MAGI2: variants seen among roughly 807,000 people sequenced by gnomAD.
The protein encoded by MAGI2 is membrane-associated guanylate kinase, WW and PDZ domain-containing protein 2.
In MAGI2, 35 loss-of-function variants were observed where a neutral mutation model predicts 133.3. That is an observed-to-expected ratio of 0.26 (90% CI 0.20 to 0.35). The LOEUF (loss-of-function observed/expected upper bound fraction) is 0.35. Ranked by LOEUF, MAGI2 falls within the 10% of genes least tolerant of loss-of-function variation. MAGI2 has a pLI of 1.00. For missense variants in MAGI2, 1,636 were observed against 1,863.4 expected, an observed-to-expected ratio of 0.88 and a Z score of 2.25; for synonymous variants, 729 against 710.6, an observed-to-expected ratio of 1.03 and a Z score of -0.41.
At chr7:78,807,522 A>G (rs1788682390) in intron 2 of MAGI2, among the ~76,000 whole-genome samples, 1 of 152,064 alleles carries the variant, frequency 6.6e-6, no homozygotes, top group South Asian at 2.1e-4. Flanking sequence ...TCTACTCATG[A>G]CAGAATGACA....
At chr7:78,612,950 G>A (rs1348144673) in intron 3 of MAGI2, among the ~76,000 whole-genome samples, 3 of 152,236 alleles carry the variant, frequency 2.0e-5, no homozygotes, top group African/African-American at 4.8e-5. Context: ...GATCACAGGC[G>A]TGAGCCACCG....
chr7:78,515,847 C>T (rs762964396), intron 4 of MAGI2, among the ~76,000 whole-genome samples: 19 of 151,438 alleles, frequency 1.3e-4, no homozygotes, highest in African/African-American at 7.3e-5. Flanking sequence ...TTTGGTGAAC[C>T]GAGATCACAC....
intron 2 of MAGI2, among the ~76,000 whole-genome samples, chr7:78,999,815 T>C (rs759480209): frequency 1.3e-5 from 2 of 152,214 alleles, no homozygotes; most frequent in Non-Finnish European, 2.9e-5. Context: ...TTAACACTGC[T>C]AACAACCATA....
At chr7:79,144,558 A>C (rs2129546452) in intron 1 of MAGI2, among the ~76,000 whole-genome samples, 1 of 152,294 alleles carries the variant, frequency 6.6e-6, no homozygotes, top group African/African-American at 2.4e-5. Context: ...TGAGTCGATT[A>C]AACCTCTTTT....
chr7:78,846,994 T>G (rs908080229), intron 2 of MAGI2, among the ~76,000 whole-genome samples: 1 of 151,988 alleles, frequency 6.6e-6, no homozygotes, highest in African/African-American at 2.4e-5. Flanking sequence ...TCTTAATGAT[T>G]CTCACTTTAG....
chr7:78,865,911 A>G (rs556719203), intron 2 of MAGI2, among the ~76,000 whole-genome samples: 1 of 152,284 alleles, frequency 6.6e-6, no homozygotes, highest in East Asian at 1.9e-4. Context: ...ACTGGTGAAG[A>G]GTGAGGTGAG....
chr7:78,185,747 G>C, intron 12 of MAGI2, 77 bp from the exon 13 acceptor site: 1 of 1,190,528 alleles, frequency 8.4e-7, no homozygotes, highest in Non-Finnish European at 1.2e-6. Context: ...TCTTTTTGTT[G>C]CTATCATAAC....
At chr7:79,033,186 C>T (rs944644936) in intron 1 of MAGI2, among the ~76,000 whole-genome samples, 1 of 152,120 alleles carries the variant, frequency 6.6e-6, no homozygotes, top group Non-Finnish European at 1.5e-5. Flanking sequence ...TGTAGAACTC[C>T]TCCATGTATT....
intron 6 of MAGI2, among the ~76,000 whole-genome samples, chr7:78,474,722 C>T (rs1050297896): frequency 1.4e-4 from 22 of 151,852 alleles, no homozygotes; most frequent in Admixed American, 8.6e-4. Flanking sequence ...AATCTTCTAC[C>T]TGTAGAAGTT....
At position 79,427,550 on chromosome 7, in the gene MAGI2, T is replaced by C. The variant is rs537620500; in HGVS notation, c.301+25470A>G. 6.6e-5 allele frequency among the ~76,000 whole-genome samples: 10 copies of C among 152,182 alleles called. No individual in the cohort carries two copies. The East Asian group carries it at 1.7e-3, about 26-fold the overall frequency. On this transcript the variant is annotated intron_variant, in intron 1 of 21. Transcript: ENST00000354212. ...GAGATGGCATTAGAGTCCAGCAGAA[T>C]TTTCAGCAGGCAAAACTCAGACAAT...
rs983007160 is a variant in MAGI2 at position 78,739,252 on chromosome 7, T to C, written c.419-112013A>G. 3.3e-5 allele frequency among the ~76,000 whole-genome samples: 5 copies of C among 152,128 alleles called. No individual in the cohort carries two copies. The East Asian group carries it at 5.8e-4, about 18-fold the overall frequency. On this transcript the variant is annotated intron_variant, in intron 2 of 21. Coordinates refer to ENST00000354212, the MANE Select transcript of MAGI2 (RefSeq NM_012301.4). ...AGCCATTTCTACAGCCCCAAATCCA[T>C]GGCAAAAAACATCTCTGGCCAAAGG...
intron 3 of MAGI2, among the ~76,000 whole-genome samples, chr7:78,534,936 C>A (rs976752052): frequency 6.6e-6 from 1 of 152,086 alleles, no homozygotes; most frequent in Non-Finnish European, 1.5e-5. Flanking sequence ...AGTTCAAGAC[C>A]AGCCTGGCCA....
chr7:78,250,929 C>T (rs914569928), intron 10 of MAGI2, among the ~76,000 whole-genome samples: 2 of 152,082 alleles, frequency 1.3e-5, no homozygotes, highest in East Asian at 1.9e-4. Context: ...AGAAATATAT[C>T]ACATGAAAAG....
chr7:78,826,730 C>T (rs1410916474), intron 2 of MAGI2, among the ~76,000 whole-genome samples: 2 of 151,974 alleles, frequency 1.3e-5, no homozygotes, highest in African/African-American at 4.8e-5. Context: ...AACTGCATTA[C>T]AAAAAATATG....
chr7:78,182,509 T>C (rs1451302978), intron 13 of MAGI2, among the ~76,000 whole-genome samples: 1 of 152,178 alleles, frequency 6.6e-6, no homozygotes, highest in East Asian at 1.9e-4. Flanking sequence ...GATTTTTCCA[T>C]CCTAAATATG....
intron 1 of MAGI2, among the ~76,000 whole-genome samples, chr7:79,298,612 G>A (rs1837132968): frequency 6.6e-6 from 1 of 152,038 alleles, no homozygotes; most frequent in Non-Finnish European, 1.5e-5. Flanking sequence ...TGAGTTAAGA[G>A]TTAGGGCTAG....
intron 13 of MAGI2, among the ~76,000 whole-genome samples, chr7:78,179,772 C>T (rs995125212): frequency 8.5e-5 from 13 of 152,126 alleles, no homozygotes; most frequent in Admixed American, 6.5e-4. Flanking sequence ...TTAAAAAATT[C>T]CATTCCTATT....
At chr7:78,991,682 G>T (rs1191384566) in intron 2 of MAGI2, among the ~76,000 whole-genome samples, 1 of 151,368 alleles carries the variant, frequency 6.6e-6, no homozygotes, top group Non-Finnish European at 1.5e-5. Flanking sequence ...CACAGGTAAG[G>T]ATGTACCAAT....
rs140662583 is a variant in MAGI2 at position 78,544,948 on chromosome 7, C to T, written c.539-23303G>A. On this transcript the variant is annotated intron_variant, in intron 3 of 21. Transcript: ENST00000354212. ...GGCTGGGATTACAGGCGTGAGCCAC[C>T]GCACCTGGCCTGTATCTTAATTTCG... Among the ~76,000 whole-genome samples, 168 of 151,658 alleles carry T rather than the reference C, an allele frequency of 1.1e-3. 5 individuals carry two copies. In the East Asian group the frequency reaches 0.027, roughly 25 times the overall value.
Sources: allele counts gnomAD v4.1 joint callset (sites outside exome capture counted in the v4.1 genomes callset), GRCh38; gene constraint gnomAD v4.1.1; transcripts MANE v1.5; gene names NCBI Gene and HGNC (gene_info 2026-07-23, HGNC 2026-07-21).